BLTP1: variants seen among roughly 807,000 people sequenced by gnomAD.
BLTP1 encodes the protein fragile site-associated protein.
the BLTP1 span, chr4:122,188,178 A>G: frequency 8.0e-7 from 1 of 1,252,772 alleles, no homozygotes. Flanking sequence ...TTTTTTTGCT[A>G]CAAGTTGTAC....
the BLTP1 span, among the ~76,000 whole-genome samples, chr4:122,358,187 T>G: frequency 6.6e-6 from 1 of 152,332 alleles, no homozygotes; most frequent in South Asian, 2.1e-4. Flanking sequence ...AAAAACAGAT[T>G]CAAGACAAAC....
the BLTP1 span, chr4:122,272,497 T>G: frequency 6.1e-6 from 7 of 1,155,746 alleles, no homozygotes; most frequent in Non-Finnish European, 8.4e-6. Context: ...CCAAAATTCC[T>G]AATTGGCAAA....
chr4:122,226,562 G>C, the BLTP1 span: 1 of 1,461,286 alleles, frequency 6.8e-7, no homozygotes, highest in Non-Finnish European at 9.0e-7. Flanking sequence ...AAAATCATTG[G>C]CTAACAAGTT....
At chr4:122,166,303 T>C in the BLTP1 span, among the ~76,000 whole-genome samples, 1 of 152,194 alleles carries the variant, frequency 6.6e-6, no homozygotes, top group African/African-American at 2.4e-5. Context: ...GCTAGCCAGT[T>C]TTCCCAGCAC....
chr4:122,153,205 C>T, the BLTP1 span: 1 of 165,254 alleles, frequency 6.1e-6, no homozygotes, highest in Non-Finnish European at 1.0e-5. Flanking sequence ...TTAGTGTTGA[C>T]GTTTGTTAAA....
the BLTP1 span, among the ~76,000 whole-genome samples, chr4:122,180,769 A>G: frequency 2.0e-5 from 3 of 152,378 alleles, no homozygotes; most frequent in East Asian, 5.8e-4. Flanking sequence ...AGGCATTACA[A>G]TTCTGAGAAT....
At chr4:122,295,833 C>T in the BLTP1 span, among the ~76,000 whole-genome samples, 4 of 152,158 alleles carry the variant, frequency 2.6e-5, no homozygotes, top group African/African-American at 9.7e-5. Context: ...AAGACAAAAA[C>T]CACATGATTA....
the BLTP1 span, chr4:122,337,041 C>G: frequency 1.3e-6 from 2 of 1,567,024 alleles, no homozygotes; most frequent in Non-Finnish European, 1.7e-6. Flanking sequence ...TCATTTCTTT[C>G]TTTTTGTTTT....
At chr4:122,243,799 C>G in the BLTP1 span, 1 of 1,421,286 alleles carries the variant, frequency 7.0e-7, no homozygotes, top group East Asian at 2.6e-5. Context: ...TAAGGAAGCT[C>G]CAACTTCTAA....
At chr4:122,350,862 G>T in the BLTP1 span, among the ~76,000 whole-genome samples, 1 of 152,120 alleles carries the variant, frequency 6.6e-6, no homozygotes, top group Non-Finnish European at 1.5e-5. Flanking sequence ...ACAGAAATGA[G>T]CAAGGACGAA....
chr4:122,169,232 G>A, the BLTP1 span, among the ~76,000 whole-genome samples: 1 of 152,118 alleles, frequency 6.6e-6, no homozygotes, highest in African/African-American at 2.4e-5. Context: ...TGGGATTATA[G>A]GTTCTTGGCC....
the BLTP1 span, among the ~76,000 whole-genome samples, chr4:122,242,654 C>T: frequency 3.3e-5 from 5 of 152,088 alleles, no homozygotes; most frequent in Non-Finnish European, 7.4e-5. Context: ...TTCTGTGGCT[C>T]TCTTTCCCAC....
chr4:122,242,848 A>G, the BLTP1 span: 1 of 545,020 alleles, frequency 1.8e-6, no homozygotes, highest in Non-Finnish European at 3.2e-6. Context: ...AATTGAATAT[A>G]TTATTTGATT....
chr4:122,273,515 A>T, the BLTP1 span: 1 of 809,316 alleles, frequency 1.2e-6, no homozygotes, highest in Non-Finnish European at 1.5e-6. Context: ...CAGTTTTTTC[A>T]TCTGTTTAGC....
the BLTP1 span, chr4:122,347,056 T>A: frequency 3.5e-6 from 3 of 853,844 alleles, no homozygotes; most frequent in Admixed American, 1.2e-4. Context: ...TTAGTTAATT[T>A]GTTAGTAAAT....
chr4:122,153,179 T>TTTTA, the BLTP1 span: 1 of 260,108 alleles, frequency 3.8e-6, no homozygotes, highest in East Asian at 1.9e-4. Flanking sequence ...TTTTTTTTTT[T>TTTTA]ACCTTCCTGT....
the BLTP1 span, among the ~76,000 whole-genome samples, chr4:122,358,264 G>GC: frequency 6.6e-6 from 1 of 151,974 alleles, no homozygotes; most frequent in African/African-American, 2.4e-5. Flanking sequence ...GTTTCTCTTG[G>GC]GTATGATGTG....
chr4:122,232,921 C>T, the BLTP1 span, among the ~76,000 whole-genome samples: 1 of 152,110 alleles, frequency 6.6e-6, no homozygotes, highest in Non-Finnish European at 1.5e-5. Flanking sequence ...GTTTGGCTGC[C>T]TTTGTGCATA....
chr4:122,246,919 C>T, the BLTP1 span: 1 of 1,485,558 alleles, frequency 6.7e-7, no homozygotes, highest in Non-Finnish European at 8.9e-7. Context: ...AATGTTAAAA[C>T]TCAGAACTGG....
Sources: allele counts gnomAD v4.1 joint callset (sites outside exome capture counted in the v4.1 genomes callset), GRCh38; gene constraint gnomAD v4.1.1; transcripts MANE v1.5; gene names NCBI Gene and HGNC (gene_info 2026-07-23, HGNC 2026-07-21).